The following TGIF2 variants were observed in gnomAD, a reference collection of about 807,000 sequenced individuals.
The protein encoded by TGIF2 is TGFB induced factor homeobox 2, also known as homeobox protein TGIF2.
In TGIF2, 5 loss-of-function variants were observed where a neutral mutation model predicts 15.1. The ratio of observed to expected loss-of-function variants is 0.33; its 90% CI spans 0.17 to 0.70. TGIF2 has a LOEUF of 0.70. Ranked by LOEUF, TGIF2 falls within the 30% of genes least tolerant of loss-of-function variation. The pLI is 0.67. For synonymous variants in TGIF2, 131 were observed against 128.9 expected, an observed-to-expected ratio of 1.02 and a Z score of -0.11; for missense variants, 264 against 302.5, an observed-to-expected ratio of 0.87 and a Z score of 0.94.
At chr20:36,583,489 T>C (rs8116370) in intron 2 of TGIF2, among the ~76,000 whole-genome samples, 3 of 148,470 alleles carry the variant, frequency 2.0e-5, no homozygotes, top group Non-Finnish European at 3.0e-5. Flanking sequence ...GGCTGGGCAC[T>C]GTGGCTTATG....
intron 2 of TGIF2, among the ~76,000 whole-genome samples, chr20:36,590,501 T>G (rs2038747482): frequency 6.6e-6 from 1 of 152,204 alleles, no homozygotes; most frequent in Admixed American, 6.5e-5. Flanking sequence ...GTCTTCCCAC[T>G]ATGAACCTCT....
chr20:36,590,890 G>T lies in TGIF2; in HGVS notation c.193-20G>T. Reference sequence around the variant, plus strand: ...TGTTTTAGATTAAGCAAATTGATCGGTCTTGTATATTCATTCCAGATATGT... The same window carrying T: ...TGTTTTAGATTAAGCAAATTGATCGTTCTTGTATATTCATTCCAGATATGT... On this transcript the variant is annotated intron_variant, in intron 2 of 2. Coordinates refer to ENST00000373872, the MANE Select transcript of TGIF2 (RefSeq NM_021809.7). 6.6e-7 allele frequency: 1 copy of T among 1,511,368 alleles called. No homozygotes were observed. Among genetic ancestry groups the T allele is most frequent in the Non-Finnish European group, 8.9e-7 (1 of 1,128,268 alleles). The allele number at this position is 1,511,368 out of a possible 1,614,324, so 93.6% of individuals were successfully genotyped here. A position where few individuals can be genotyped will look rare whatever the true frequency, so the allele number is the denominator to read the frequency against.
At position 36,591,982 on chromosome 20, in the gene TGIF2, T is replaced by C. The variant is rs1296880196; in HGVS notation, c.*551T>C. ...CATTCACGGCAGTAGTTAGCCCAGG[T>C]GTGGGGAACGAGAGTGCACTGCATG... On this transcript the variant is annotated 3_prime_UTR_variant, in exon 3 of 3. Coordinates refer to ENST00000373872, the MANE Select transcript of TGIF2 (RefSeq NM_021809.7). The surrounding 1 kb of genome is among the most constrained non-coding windows in gnomAD (Gnocchi z 5.3). 1.3e-5 allele frequency: 2 copies of C among 153,822 alleles called. No homozygotes were observed. Among genetic ancestry groups the C allele is most frequent in the East Asian group, 1.9e-4 (1 of 5,218 alleles). 9.5% of individuals were successfully genotyped at this position (153,822 alleles called of 1,614,324 possible).
chr20:36,576,990 C>A (rs2147920802), intron 1 of TGIF2, among the ~76,000 whole-genome samples: 1 of 152,170 alleles, frequency 6.6e-6, no homozygotes, highest in South Asian at 2.1e-4. Context: ...TAGGTGTGAG[C>A]CACAGCACGT....
chr20:36,574,978 C>G (rs2038394876), intron 1 of TGIF2: 2 of 152,404 alleles, frequency 1.3e-5, no homozygotes, highest in Non-Finnish European at 1.5e-5. Context: ...CGAGGGGTTG[C>G]TGCCACAGGT....
At chr20:36,582,095 C>T (rs570676527) in intron 2 of TGIF2, among the ~76,000 whole-genome samples, 47 of 152,134 alleles carry the variant, frequency 3.1e-4, no homozygotes, top group African/African-American at 1.1e-3. Flanking sequence ...GTTAGCCAGA[C>T]GTGGTGGCTC....
chr20:36,591,061 C>G lies in TGIF2; in HGVS notation c.344C>G (p.Ala115Gly), dbSNP rs770281429. 6.2e-7 allele frequency: 1 copy of G among 1,601,212 alleles called. No homozygotes were observed. The highest frequency in any genetic ancestry group is 8.5e-7 in the Non-Finnish European group (1 of 1,170,552). Reference protein sequence around the residue: ...LPRGSSPSVLAVSVPAPTNVL... With the variant: ...LPRGSSPSVLGVSVPAPTNVL... ...CGTGGCAGCAGCCCCTCAGTGCTGG[C>G]TGTGTCTGTCCCAGCCCCCACCAAT... Residue 115 changes from alanine (A) to glycine (G), a missense_variant, in exon 3 of 3, where the codon GCT (alanine) becomes GGT (glycine). Coordinates refer to ENST00000373872, the MANE Select transcript of TGIF2 (RefSeq NM_021809.7). This position sits in a 1 kb window ranked among gnomAD's most constrained non-coding sequence, Gnocchi z 5.3.
rs1369589269 is a variant in TGIF2, at chr20:36,590,976, G to C, written c.259G>C (p.Asp87His). 2 of 1,553,214 alleles carry C rather than the reference G, an allele frequency of 1.3e-6. No homozygotes were observed. Among genetic ancestry groups the C allele is most frequent in the Non-Finnish European group, 1.7e-6 (2 of 1,146,374 alleles). The part of the protein sequence containing the change: ...LPDMLRKDGK[D>H]PNQFTISRRG... ...AGACATGCTTCGGAAGGATGGCAAA[G>C]ACCCTAATCAGTTTACCATTTCCCG... Residue 87 changes from aspartate (D) to histidine (H), a missense_variant, in exon 3 of 3, where the codon GAC becomes CAC. Physicochemically the swap from Asp to His is moderately conservative, Grantham distance 81. Transcript: ENST00000373872.
intron 2 of TGIF2, among the ~76,000 whole-genome samples, 200 bp from the exon 3 acceptor site, chr20:36,590,710 G>T (rs1246785176): frequency 1.3e-5 from 2 of 151,970 alleles, no homozygotes; most frequent in Non-Finnish European, 2.9e-5. Context: ...GACCACAGGG[G>T]TGCACCACTA....
chr20:36,585,198 C>A (rs1287860563), intron 2 of TGIF2, among the ~76,000 whole-genome samples: 2 of 148,262 alleles, frequency 1.3e-5, no homozygotes, highest in Non-Finnish European at 1.5e-5. Flanking sequence ...AACTCCATCT[C>A]AAAAAAAAAG....
chr20:36,585,964 A>C (rs2038649241), intron 2 of TGIF2, among the ~76,000 whole-genome samples: 1 of 152,192 alleles, frequency 6.6e-6, no homozygotes, highest in Non-Finnish European at 1.5e-5. Context: ...GCCTTCCCAA[A>C]GCCCATACCG....
rs1032353882 is a variant in TGIF2, at chr20:36,593,019, C to G, written c.*1588C>G. On this transcript the variant is annotated 3_prime_UTR_variant, in exon 3 of 3. Coordinates refer to ENST00000373872, the MANE Select transcript of TGIF2 (RefSeq NM_021809.7). ...ACGGGGTTTCACCATCTTGGCCAGG[C>G]TGGTCTTGGAACTCCTGACCTCGTG... The G allele has an allele frequency of 1.3e-5, 2 of 152,560 alleles. No individual in the cohort carries two copies. Among genetic ancestry groups the G allele is most frequent in the Admixed American group, 6.6e-5 (1 of 15,260 alleles). The allele number at this position is 152,560 out of a possible 1,614,324, so 9.5% of individuals were successfully genotyped here. A position where few individuals can be genotyped will look rare whatever the true frequency, so the allele number is the denominator to read the frequency against.
At chr20:36,589,581 C>G (rs564488453) in intron 2 of TGIF2, among the ~76,000 whole-genome samples, 1 of 152,014 alleles carries the variant, frequency 6.6e-6, no homozygotes, top group South Asian at 2.1e-4. Flanking sequence ...TTAGTAGAGA[C>G]GGGGTTTCAC....
chr20:36,578,619 T>A, intron 1 of TGIF2, 122 bp from the exon 2 acceptor site: 1 of 1,114,602 alleles, frequency 9.0e-7, no homozygotes, highest in East Asian at 2.6e-5. Context: ...CGGCCTGAGA[T>A]TCTGAATTGC....
At chr20:36,574,504 C>G (rs1002378107) in intron 1 of TGIF2, 1 of 151,972 alleles carries the variant, frequency 6.6e-6, no homozygotes, top group African/African-American at 2.4e-5. Context: ...CTCCCCTCCC[C>G]CTCCGGGCCC....
chr20:36,583,997 G>T (rs1271389607), intron 2 of TGIF2, among the ~76,000 whole-genome samples: 1 of 152,154 alleles, frequency 6.6e-6, no homozygotes, highest in Non-Finnish European at 1.5e-5. Flanking sequence ...AACTCGGGAG[G>T]CAGAGGTTGT....
rs372291341 is a variant in TGIF2 at position 36,576,806 on chromosome 20, G to A, written c.-34-1935G>A. On this transcript the variant is annotated intron_variant, in intron 1 of 2. Transcript: ENST00000373872. ...TTGCAACCTCTGCCTCCGGGCTCAA[G>A]CGATTCTTCCACCTCAGCCCCCAGA... 2.6e-5 allele frequency among the ~76,000 whole-genome samples: 4 copies of A among 152,078 alleles called. No individual in the cohort carries two copies. The East Asian group carries it at 7.8e-4, about 29-fold the overall frequency.
At chr20:36,590,078 C>G (rs994980643) in intron 2 of TGIF2, among the ~76,000 whole-genome samples, 4 of 152,190 alleles carry the variant, frequency 2.6e-5, no homozygotes, top group African/African-American at 9.6e-5. Flanking sequence ...ACCTCAGCCT[C>G]CTGGGTAGCT....
rs756854928 is a variant in TGIF2 at position 36,573,864 on chromosome 20, T to C, written c.-35+119T>C. The C allele has an allele frequency of 3.4e-3, 495 of 145,548 alleles. 3 individuals carry two copies. The highest frequency in any genetic ancestry group is 5.0e-3 in the Non-Finnish European group (332 of 66,056). The allele number at this position is 145,548 out of a possible 1,614,324, so 9.0% of individuals were successfully genotyped here. ...TCGTCCTGGCGCGTGCGGTAGGGGGTGTGTGAGCTCGGGGGTGTTTGTGAG... is the reference window on the plus strand; with the variant it reads ...TCGTCCTGGCGCGTGCGGTAGGGGGCGTGTGAGCTCGGGGGTGTTTGTGAG... On this transcript the variant is annotated intron_variant, in intron 1 of 2. Coordinates refer to ENST00000373872, the MANE Select transcript of TGIF2 (RefSeq NM_021809.7).
Sources: allele counts gnomAD v4.1 joint callset (sites outside exome capture counted in the v4.1 genomes callset), GRCh38; gene constraint gnomAD v4.1.1; non-coding constraint Gnocchi (gnomAD v3.1); transcripts MANE v1.5; gene names NCBI Gene and HGNC (gene_info 2026-07-23, HGNC 2026-07-21).